The following EFNA5 variants were observed in gnomAD, a reference collection of about 807,000 sequenced individuals.
EFNA5 encodes ephrin-A5.
Under a neutral mutation model 22.9 loss-of-function variants are expected in EFNA5, and 5 were observed. That is an observed-to-expected ratio of 0.22 (90% CI 0.11 to 0.46). The LOEUF (loss-of-function observed/expected upper bound fraction) is 0.46. EFNA5 is among the 20% of genes least tolerant of loss of function. The pLI, the probability that EFNA5 is intolerant of heterozygous loss-of-function variation, is 0.99. For synonymous variants in EFNA5, 113 were observed against 112.2 expected (o/e 1.01, Z -0.04); for missense variants, 237 against 293.3 (o/e 0.81, Z 1.40).
intron 1 of EFNA5, among the ~76,000 whole-genome samples, chr5:107,652,391 G>T (rs1029439741): frequency 1.3e-5 from 2 of 152,174 alleles, no homozygotes; most frequent in Non-Finnish European, 2.9e-5. Flanking sequence ...TGATACCCCT[G>T]AACAGATGTG....
chr5:107,664,157 AATAGCACACGG>A, intron 1 of EFNA5, among the ~76,000 whole-genome samples: 1 of 152,180 alleles, frequency 6.6e-6, no homozygotes, highest in South Asian at 2.1e-4. Flanking sequence ...TCAATTAGAA[AATAGCACACGG>A]ATTTCAGTTT....
rs145712523 is a variant in EFNA5, at chr5:107,400,537, T to C, written c.419-12766A>G. Among the ~76,000 whole-genome samples the C allele has an allele frequency of 5.1e-3, 777 of 152,302 alleles. 6 individuals carry two copies. Among genetic ancestry groups the C allele is most frequent in the African/African-American group, 0.018 (742 of 41,562 alleles). On this transcript the variant is annotated intron_variant, in intron 2 of 4. Transcript: ENST00000333274. Reference sequence around the variant, plus strand: ...AGTTATAGATTTGTTTGTTTCCTGGTTTATTGTCTACTTCCTGATGAAGCT... The same window carrying C: ...AGTTATAGATTTGTTTGTTTCCTGGCTTATTGTCTACTTCCTGATGAAGCT...
chr5:107,551,854 T>C lies in EFNA5; in HGVS notation c.125+118635A>G, dbSNP rs138021917. Among the ~76,000 whole-genome samples, 391 of 152,176 alleles carry C rather than the reference T, an allele frequency of 2.6e-3. 4 individuals carry two copies. Among genetic ancestry groups the C allele is most frequent in the African/African-American group, 9.2e-3 (380 of 41,494 alleles). Reference sequence around the variant, plus strand: ...ATGTTCTGAAAAATCTCCTAGGACATGATAATTCTTTTAAGTCTAAGAAGG... The same window carrying C: ...ATGTTCTGAAAAATCTCCTAGGACACGATAATTCTTTTAAGTCTAAGAAGG... On this transcript the variant is annotated intron_variant, in intron 1 of 4. Coordinates refer to ENST00000333274, the MANE Select transcript of EFNA5 (RefSeq NM_001962.3).
intron 2 of EFNA5, among the ~76,000 whole-genome samples, chr5:107,400,840 C>T (rs1216130826): frequency 1.3e-5 from 2 of 152,214 alleles, no homozygotes; most frequent in Non-Finnish European, 2.9e-5. Context: ...CTTGCTAATG[C>T]ACAGAGCAAT....
intron 1 of EFNA5, among the ~76,000 whole-genome samples, chr5:107,666,754 A>C (rs572662638): frequency 1.1e-4 from 16 of 152,262 alleles, no homozygotes; most frequent in African/African-American, 3.8e-4. Flanking sequence ...AATTACCCTA[A>C]TATCATTTCA....
chr5:107,445,345 T>C (rs956019204), intron 1 of EFNA5, among the ~76,000 whole-genome samples: 3 of 152,130 alleles, frequency 2.0e-5, no homozygotes, highest in Non-Finnish European at 4.4e-5. Context: ...ATTTGAGATA[T>C]AACTTTAAAC....
chr5:107,463,105 A>G (rs1194988368), intron 1 of EFNA5, among the ~76,000 whole-genome samples: 1 of 152,120 alleles, frequency 6.6e-6, no homozygotes, highest in Non-Finnish European at 1.5e-5. Flanking sequence ...CTCCAGTTCT[A>G]TAGTCTTTAA....
At chr5:107,438,429 A>G (rs990747360) in intron 1 of EFNA5, among the ~76,000 whole-genome samples, 1 of 152,142 alleles carries the variant, frequency 6.6e-6, no homozygotes, top group African/African-American at 2.4e-5. Context: ...GCCCCTGCCA[A>G]CCACTGTTTT....
intron 1 of EFNA5, among the ~76,000 whole-genome samples, chr5:107,608,174 G>A (rs1749760560): frequency 6.6e-6 from 1 of 152,146 alleles, no homozygotes; most frequent in Non-Finnish European, 1.5e-5. Context: ...TTCCCCTGAA[G>A]CAAAGGCTTC....
chr5:107,637,933 G>T (rs578166692), intron 1 of EFNA5, among the ~76,000 whole-genome samples: 2 of 151,486 alleles, frequency 1.3e-5, no homozygotes, highest in African/African-American at 4.8e-5. Flanking sequence ...TGCAAGCTCC[G>T]CCTCCTGGGT....
intron 1 of EFNA5, among the ~76,000 whole-genome samples, chr5:107,537,734 A>G (rs755893810): frequency 6.6e-6 from 1 of 152,226 alleles, no homozygotes; most frequent in Non-Finnish European, 1.5e-5. Context: ...TAGCTCACAC[A>G]GTTATTAGGT....
chr5:107,599,395 G>T lies in EFNA5; in HGVS notation c.125+71094C>A, dbSNP rs537876212. The stretch of plus-strand genomic sequence containing the variant: ...TGATATGGTTTAAGTAAGAAAGTAG[G>T]GATTATAAAACATATATTTGCATAT... On this transcript the variant is annotated intron_variant, in intron 1 of 4. Coordinates refer to ENST00000333274, the MANE Select transcript of EFNA5 (RefSeq NM_001962.3). 2.7e-5 allele frequency among the ~76,000 whole-genome samples: 4 copies of T among 150,726 alleles called. No homozygotes were observed. The South Asian group carries it at 8.4e-4, about 32-fold the overall frequency.
intron 1 of EFNA5, among the ~76,000 whole-genome samples, chr5:107,630,246 T>C (rs1023214249): frequency 6.6e-6 from 1 of 152,162 alleles, no homozygotes; most frequent in African/African-American, 2.4e-5. Context: ...TGTCATTTAA[T>C]GAAGGAGAAA....
chr5:107,436,111 C>A (rs1386530503), intron 1 of EFNA5, among the ~76,000 whole-genome samples: 1 of 152,228 alleles, frequency 6.6e-6, no homozygotes, highest in Non-Finnish European at 1.5e-5. Context: ...TTTTCTACTA[C>A]AAGTCATGTC....
chr5:107,420,357 TC>T (rs1748620519), intron 2 of EFNA5, among the ~76,000 whole-genome samples: 1 of 151,856 alleles, frequency 6.6e-6, no homozygotes, highest in South Asian at 2.1e-4. Context: ...CAATATTTCA[TC>T]GAGACTCAAA....
intron 1 of EFNA5, among the ~76,000 whole-genome samples, chr5:107,560,904 A>G (rs141165345): frequency 6.4e-4 from 98 of 152,358 alleles, no homozygotes; most frequent in African/African-American, 2.3e-3. Flanking sequence ...ACTAAGCCCT[A>G]TAGTTCTGTA....
At chr5:107,601,008 C>A (rs1292027599) in intron 1 of EFNA5, among the ~76,000 whole-genome samples, 1 of 152,096 alleles carries the variant, frequency 6.6e-6, no homozygotes, top group Non-Finnish European at 1.5e-5. Flanking sequence ...GTTCTTGTTA[C>A]CTTCAAACCT....
At chr5:107,401,833 C>T (rs1468899869) in intron 2 of EFNA5, among the ~76,000 whole-genome samples, 8 of 152,218 alleles carry the variant, frequency 5.3e-5, no homozygotes, top group Admixed American at 2.6e-4. Flanking sequence ...CAGGCGGCTC[C>T]GGGGAAGTTG....
rs1280934687 is a variant in EFNA5, at chr5:107,670,481, C to T, written c.125+8G>A. ...GTAGCCCTGGCTCTCCGCCTGTTAT[C>T]GGCTTACCTGGGGTTGCTGCTGTTC... On this transcript the variant is annotated splice_region_variant and intron_variant, in intron 1 of 4. Transcript: ENST00000333274. 2.6e-6 allele frequency: 4 copies of T among 1,558,484 alleles called. No homozygotes were observed. Among genetic ancestry groups the T allele is most frequent in the Non-Finnish European group, 3.5e-6 (4 of 1,150,448 alleles).
Sources: gnomAD v4.1 joint callset for allele counts (sites outside exome capture counted in the v4.1 genomes callset) on GRCh38, gnomAD v4.1.1 for gene constraint, MANE v1.5 for transcripts, NCBI Gene and HGNC (gene_info 2026-07-23, HGNC 2026-07-21) for gene names.